Variants in RADIL observed in about 807,000 individuals in gnomAD.
RADIL encodes the protein ras-associating and dilute domain-containing protein.
RADIL carries 99 observed loss-of-function variants against 97.6 expected under a neutral mutation model. That is an observed-to-expected ratio of 1.01 (90% CI 0.86 to 1.20). The LOEUF (loss-of-function observed/expected upper bound fraction) is 1.20. Ranked by LOEUF, RADIL falls within the 50% of genes most tolerant of loss-of-function variation. The pLI, the probability that RADIL is intolerant of heterozygous loss-of-function variation, is 0.00. For synonymous variants in RADIL, 803 were observed against 691.8 expected (o/e 1.16, Z -2.52); for missense variants, 1,765 against 1,498.9 (o/e 1.18, Z -2.93).
At chr7:4,825,418 C>A (rs750274852) in intron 5 of RADIL, among the ~76,000 whole-genome samples, 3 of 152,188 alleles carry the variant, frequency 2.0e-5, no homozygotes, top group Non-Finnish European at 4.4e-5. Flanking sequence ...GCATGCCTGT[C>A]GCGTCCATCA....
chr7:4,805,544 C>T (rs1175643924), intron 10 of RADIL, 22 bp downstream of exon 10: 2 of 1,564,300 alleles, frequency 1.3e-6, no homozygotes, highest in South Asian at 1.1e-5. Flanking sequence ...CCAGCCCTCT[C>T]CTGCCCTGGG....
At chr7:4,802,046 C>T (rs979858955) in intron 11 of RADIL, 51 bp from the exon 12 acceptor site, 7 of 1,410,612 alleles carry the variant, frequency 5.0e-6, no homozygotes, top group African/African-American at 4.3e-5. Flanking sequence ...CAGGTGGACA[C>T]AGCACTCGGG....
At position 4,815,572 on chromosome 7, in the gene RADIL, ACAGG is replaced by A; in HGVS notation, c.1967-126_1967-123del. On this transcript the variant is annotated intron_variant, in intron 8 of 14. Coordinates refer to ENST00000399583, the MANE Select transcript of RADIL (RefSeq NM_018059.5). The surrounding 1 kb of genome is among the most constrained non-coding windows in gnomAD (Gnocchi z 8.0). ...CCACTGAGGACATCACAGCTCGATG[ACAGG>A]CAGGACACCTTCCCTCGGTTTTCAA... The A allele has an allele frequency of 9.4e-6, 10 of 1,068,858 alleles. No individual in the cohort carries two copies. Among genetic ancestry groups the A allele is most frequent in the Non-Finnish European group, 1.3e-5 (10 of 771,550 alleles). The allele number at this position is 1,068,858 out of a possible 1,614,324, so 66.2% of individuals were successfully genotyped here.
intron 9 of RADIL, among the ~76,000 whole-genome samples, chr7:4,807,987 CTGT>C: frequency 1.3e-5 from 1 of 77,610 alleles, no homozygotes; most frequent in Admixed American, 1.2e-4. Context: ...CCCTCTCTCC[CTGT>C]CTCTCTCCCC....
At position 4,854,248 on chromosome 7, in the gene RADIL, C is replaced by G. The variant is rs1362315716; in HGVS notation, c.536-17643G>C. ...GCCACCGTTACCAGCCCCGAACTTA[C>G]TGTTAGGTGAAAGAAAGCTGTATTG... On this transcript the variant is annotated intron_variant, in intron 2 of 14. Transcript: ENST00000399583. This position sits in a 1 kb window ranked among gnomAD's most constrained non-coding sequence, Gnocchi z 5.1. Among the ~76,000 whole-genome samples the G allele has an allele frequency of 6.6e-6, 1 of 152,178 alleles. No individual in the cohort carries two copies. The highest frequency in any genetic ancestry group is 1.9e-4 in the East Asian group (1 of 5,194).
chr7:4,800,098 C>A, intron 13 of RADIL, 73 bp downstream of exon 13: 3 of 1,518,428 alleles, frequency 2.0e-6, no homozygotes, highest in South Asian at 2.5e-5. Context: ...ACGCAAGCTG[C>A]GGCCAGGCTT....
At chr7:4,860,749 T>G (rs1783967500) in intron 2 of RADIL, 1 of 1,614,170 alleles carries the variant, frequency 6.2e-7, no homozygotes, top group Non-Finnish European at 8.5e-7. Context: ...CTGCCTTACT[T>G]AGCAAAATCT....
In RADIL at chr7:4,849,305, T is replaced by C. The variant is rs918981180; in HGVS notation, c.536-12700A>G. ...ATTGCTTTAACTGTGCACATATATA[T>C]ATAACTTTGGTGAAAATAAGTAAAA... On this transcript the variant is annotated intron_variant, in intron 2 of 14. Transcript: ENST00000399583. This position sits in a 1 kb window ranked among gnomAD's most constrained non-coding sequence, Gnocchi z 5.4. Among the ~76,000 whole-genome samples, 2 of 152,210 alleles carry C rather than the reference T, an allele frequency of 1.3e-5. No individual in the cohort carries two copies. The highest frequency in any genetic ancestry group is 1.3e-4 in the Admixed American group (2 of 15,280).
chr7:4,815,429 T>C lies in RADIL; in HGVS notation c.1988A>G (p.His663Arg), dbSNP rs1782651611. 2.6e-6 allele frequency: 4 copies of C among 1,538,522 alleles called. No individual in the cohort carries two copies. The highest frequency in any genetic ancestry group is 3.5e-6 in the Non-Finnish European group (4 of 1,139,948). Residue 663 changes from histidine to arginine, a missense_variant, in exon 9 of 15, where the codon CAC (histidine) becomes CGC (arginine). His to Arg is a conservative substitution (Grantham distance 29, BLOSUM62 0). Transcript: ENST00000399583. The surrounding 1 kb of genome is among the most constrained non-coding windows in gnomAD (Gnocchi z 8.0). Reference protein sequence around the residue: ...LDRGPSLSCFHWPRGVQACAR... With the variant: ...LDRGPSLSCFRWPRGVQACAR... ...GCAGGCCTGGACACCTCTGGGCCAG[T>C]GGAAGCAGCTCAGGGAGGGGCCTGT...
At chr7:4,804,630 T>C (rs371967038) in intron 10 of RADIL, among the ~76,000 whole-genome samples, 18 of 151,830 alleles carry the variant, frequency 1.2e-4, no homozygotes, top group African/African-American at 3.6e-4. Flanking sequence ...CTACCAAAAA[T>C]ACAAAAATTA....
At chr7:4,828,100 G>A (rs893969255) in intron 5 of RADIL, among the ~76,000 whole-genome samples, 4 of 152,290 alleles carry the variant, frequency 2.6e-5, no homozygotes, top group South Asian at 2.1e-4. Flanking sequence ...AGGACTGCAC[G>A]CTGTTGGTGG....
At chr7:4,831,827 G>T (rs1783148961) in intron 5 of RADIL, among the ~76,000 whole-genome samples, 1 of 152,100 alleles carries the variant, frequency 6.6e-6, no homozygotes, top group Non-Finnish European at 1.5e-5. Context: ...GGTGTAGGTT[G>T]CTGTGAGCAG....
At chr7:4,860,412 T>C (rs977416282) in intron 2 of RADIL, 3 of 1,614,114 alleles carry the variant, frequency 1.9e-6, no homozygotes, top group Admixed American at 1.7e-5. Context: ...CTATAAACAG[T>C]ATCTGTGAAA....
In RADIL at chr7:4,801,932, C is replaced by T. The variant is rs779263897; in HGVS notation, c.2563G>A (p.Asp855Asn). 2 of 1,566,892 alleles carry T rather than the reference C, an allele frequency of 1.3e-6. No homozygotes were observed. Among genetic ancestry groups the T allele is most frequent in the Non-Finnish European group, 1.7e-6 (2 of 1,158,564 alleles). The change falls in exon 12 of 15, where the codon GAC becomes AAC. Residue 855 changes from aspartate (D) to asparagine (N), a missense_variant. By Grantham distance (23) the Asp-to-Asn change is conservative (BLOSUM62 1). Coordinates refer to ENST00000399583, the MANE Select transcript of RADIL (RefSeq NM_018059.5). ...EAPSCPLAPR[D>N]PGPAAREVAP... ...ACTTCCCGGGCTGCTGGGCCAGGGT[C>T]CCTGGGAGCCAGGGGGCAGCTCGGG...
At position 4,834,552 on chromosome 7, in the gene RADIL, C is replaced by G; in HGVS notation, c.1416+55G>C. On this transcript the variant is annotated intron_variant, in intron 4 of 14. Transcript: ENST00000399583. This position sits in a 1 kb window ranked among gnomAD's most constrained non-coding sequence, Gnocchi z 6.0. ...CTCCCAGCCGGGGCCAGCTCCGGGC[C>G]CCCTCTTCCCCCAGACCGGCACAGG... The G allele has an allele frequency of 2.3e-6, 3 of 1,294,676 alleles. No individual in the cohort carries two copies. The South Asian group carries it at 9.9e-5, about 43-fold the overall frequency. 80.2% of individuals were successfully genotyped at this position (1,294,676 alleles called of 1,614,324 possible). A position where few individuals can be genotyped will look rare whatever the true frequency, so the allele number is the denominator to read the frequency against.
chr7:4,803,448 T>A, intron 11 of RADIL, 98 bp downstream of exon 11: 2 of 1,087,172 alleles, frequency 1.8e-6, no homozygotes, highest in Non-Finnish European at 2.5e-6. Flanking sequence ...GCACGCTGGC[T>A]GGGTGGCCCC....
chr7:4,799,804 C>T (rs1429557289), intron 13 of RADIL, 35 bp from the exon 14 acceptor site: 3 of 1,470,930 alleles, frequency 2.0e-6, no homozygotes, highest in South Asian at 1.3e-5. Flanking sequence ...GCTCCGCAGG[C>T]CCGACTGGCT....
rs201349013 is a variant in RADIL at position 4,817,256 on chromosome 7, C to T, written c.1711G>A (p.Val571Ile). The T allele has an allele frequency of 5.4e-5, 87 of 1,612,072 alleles. No individual in the cohort carries two copies. The highest frequency in any genetic ancestry group is 5.0e-4 in the Middle Eastern group (3 of 6,050). The change falls in exon 7 of 15, where the codon GTC becomes ATC. Residue 571 changes from valine to isoleucine, a missense_variant. By Grantham distance (29) the Val-to-Ile change is conservative. Coordinates refer to ENST00000399583, the MANE Select transcript of RADIL (RefSeq NM_018059.5). This position sits in a 1 kb window ranked among gnomAD's most constrained non-coding sequence, Gnocchi z 8.3. ...EVVLYAFQQC[V>I]YYVSKSLYIC... ...CCGTGCACCTTGGAGACATAGTAGACGCACTGCTGGAAGGCGTACAGCACC... is the reference window on the plus strand; with the variant it reads ...CCGTGCACCTTGGAGACATAGTAGATGCACTGCTGGAAGGCGTACAGCACC...
intron 5 of RADIL, among the ~76,000 whole-genome samples, chr7:4,827,895 AAAAC>A (rs201613986): frequency 1.4e-4 from 21 of 151,804 alleles, no homozygotes; most frequent in East Asian, 5.8e-4. Context: ...AGGACAGTGC[AAAAC>A]AAACAAACAA....
Sources: allele counts gnomAD v4.1 joint callset (sites outside exome capture counted in the v4.1 genomes callset), GRCh38; gene constraint gnomAD v4.1.1; non-coding constraint Gnocchi (gnomAD v3.1); transcripts MANE v1.5; gene names NCBI Gene and HGNC (gene_info 2026-07-23, HGNC 2026-07-21).